Variants in PPFIA1 observed in about 807,000 individuals in gnomAD.
The protein encoded by PPFIA1 is liprin-alpha-1.
PPFIA1 carries 25 observed loss-of-function variants against 149.9 expected under a neutral mutation model. The observed-to-expected ratio is 0.17, with a 90% CI of 0.12 to 0.23. The LOEUF (loss-of-function observed/expected upper bound fraction) is 0.23. Among genes scored for constraint, PPFIA1 ranks in the 10% least tolerant of loss-of-function variants. PPFIA1 has a pLI of 1.00. For synonymous variants in PPFIA1, 549 were observed against 552.8 expected (o/e 0.99, Z 0.10); for missense variants, 1,362 against 1,506.5 (o/e 0.90, Z 1.59).
At position 70,380,549 on chromosome 11, in the gene PPFIA1, C is replaced by T. The variant is rs183423468; in HGVS notation, c.3551-1539C>T. Among the ~76,000 whole-genome samples, 24 of 152,148 alleles carry T rather than the reference C, an allele frequency of 1.6e-4. No individual in the cohort carries two copies. The East Asian group carries it at 3.9e-3, about 25-fold the overall frequency. ...CCAAGATCACACCACTGCACTCCAG[C>T]CTGGGCGACAGAGCAGGACTGTCTC... On this transcript the variant is annotated intron_variant, in intron 26 of 27. Transcript: ENST00000253925.
At position 70,339,204 on chromosome 11, in the gene PPFIA1, G is replaced by A; in HGVS notation, c.1605G>A (p.Arg535=). The change falls in exon 14 of 28, where the codon AGG becomes AGA. Residue 535 remains arginine, a synonymous_variant. Coordinates refer to ENST00000253925, the MANE Select transcript of PPFIA1 (RefSeq NM_003626.5). ...RPHLGSVPDF[R]FPMADGHTDS... ...ACTTGGGCAGTGTCCCAGATTTCAG[G>A]TTCCCCATGGCAGACGGCCACACAG... is the stretch of plus-strand genomic sequence containing the variant. 1 of 1,614,060 alleles carries A rather than the reference G, an allele frequency of 6.2e-7. No individual in the cohort carries two copies. The highest frequency in any genetic ancestry group is 8.5e-7 in the Non-Finnish European group (1 of 1,180,026).
chr11:70,370,854 C>A (rs899632206), intron 21 of PPFIA1, among the ~76,000 whole-genome samples: 3 of 152,002 alleles, frequency 2.0e-5, no homozygotes, highest in Non-Finnish European at 4.4e-5. Flanking sequence ...TCTGGTGGGG[C>A]AGCAGTGGCT....
At chr11:70,289,968 A>G (rs567848095) in intron 2 of PPFIA1, among the ~76,000 whole-genome samples, 4 of 152,212 alleles carry the variant, frequency 2.6e-5, no homozygotes, top group African/African-American at 9.6e-5. Flanking sequence ...AGTGGCTCAC[A>G]CTTGTAATCC....
intron 19 of PPFIA1, 56 bp from the exon 20 acceptor site, chr11:70,362,039 G>A (rs778106097): frequency 2.3e-5 from 35 of 1,531,040 alleles, no homozygotes; most frequent in Non-Finnish European, 3.0e-5. Context: ...GGGATTACAG[G>A]TGTGAGCTAC....
intron 15 of PPFIA1, chr11:70,346,007 C>G (rs2055678053): frequency 4.4e-6 from 2 of 450,716 alleles, no homozygotes; most frequent in Non-Finnish European, 8.9e-6. Flanking sequence ...GCTCAGATTG[C>G]AGGTTTGAAT....
At chr11:70,292,378 A>G (rs1185683241) in intron 2 of PPFIA1, among the ~76,000 whole-genome samples, 1 of 152,102 alleles carries the variant, frequency 6.6e-6, no homozygotes, top group East Asian at 1.9e-4. Context: ...CCCACATTGG[A>G]GCGCGGGCTG....
In PPFIA1 at chr11:70,330,229, C is replaced by A; in HGVS notation, c.987C>A (p.Tyr329Ter). The change falls in exon 8 of 28, where the codon TAC (tyrosine) becomes TAA (stop). Residue 329 changes from tyrosine to a stop codon, truncating the protein, a stop_gained. Coordinates refer to ENST00000253925, the MANE Select transcript of PPFIA1 (RefSeq NM_003626.5). LOFTEE classifies it high-confidence loss of function. ...EERITTLEKR[Y>*]LAAQREATSV... Reference sequence around the variant, plus strand: ...GAATCACTACTCTTGAAAAACGCTACCTCGCTGCACAGCGTGAAGCCACAT... The same window carrying A: ...GAATCACTACTCTTGAAAAACGCTAACTCGCTGCACAGCGTGAAGCCACAT... 1 of 1,602,048 alleles carries A rather than the reference C, an allele frequency of 6.2e-7. No individual in the cohort carries two copies. The highest frequency in any genetic ancestry group is 8.5e-7 in the Non-Finnish European group (1 of 1,175,370).
chr11:70,361,992 C>T, intron 19 of PPFIA1, 103 bp from the exon 20 acceptor site: 3 of 1,034,536 alleles, frequency 2.9e-6, no homozygotes, highest in Non-Finnish European at 4.5e-6. Flanking sequence ...AACTCCTGGG[C>T]TCAAGTGGTC....
At chr11:70,283,104 T>C (rs1486354142) in intron 2 of PPFIA1, among the ~76,000 whole-genome samples, 6 of 151,672 alleles carry the variant, frequency 4.0e-5, no homozygotes, top group Admixed American at 3.3e-4. Flanking sequence ...CCTCCCACAG[T>C]GCTGGGATTA....
intron 21 of PPFIA1, chr11:70,365,101 C>T (rs886752875): frequency 1.1e-5 from 2 of 178,552 alleles, no homozygotes; most frequent in African/African-American, 4.8e-5. Flanking sequence ...CAGAAGTACA[C>T]AACGTGTTTT....
At chr11:70,362,014 G>A (rs566817656) in intron 19 of PPFIA1, 81 bp from the exon 20 acceptor site, 23 of 1,316,408 alleles carry the variant, frequency 1.7e-5, no homozygotes, top group Middle Eastern at 4.9e-4. Context: ...TCCTGCCTTG[G>A]CCTCCCAGAG....
At chr11:70,360,650 G>T (rs768756571) in intron 19 of PPFIA1, among the ~76,000 whole-genome samples, 1 of 152,258 alleles carries the variant, frequency 6.6e-6, no homozygotes, top group Non-Finnish European at 1.5e-5. Flanking sequence ...CCACCACCTG[G>T]TGATTGGCGC....
At chr11:70,316,133 G>A (rs529546665) in intron 2 of PPFIA1, among the ~76,000 whole-genome samples, 210 of 151,972 alleles carry the variant, frequency 1.4e-3, no homozygotes, top group African/African-American at 4.0e-3. Flanking sequence ...GTGCAGTGGC[G>A]CAGTCTCGGC....
intron 2 of PPFIA1, among the ~76,000 whole-genome samples, chr11:70,281,084 A>G (rs1019764056): frequency 6.6e-6 from 1 of 152,084 alleles, no homozygotes; most frequent in Non-Finnish European, 1.5e-5. Flanking sequence ...TTTGCATCTG[A>G]TAACTCTATT....
chr11:70,346,563 A>C (rs1033207822), intron 15 of PPFIA1, among the ~76,000 whole-genome samples: 1 of 152,196 alleles, frequency 6.6e-6, no homozygotes, highest in Non-Finnish European at 1.5e-5. Context: ...CCTCTGCAGC[A>C]TCTGTTGCCA....
intron 2 of PPFIA1, among the ~76,000 whole-genome samples, chr11:70,313,995 ATGAGAGAT>A (rs1342323991): frequency 6.6e-6 from 1 of 152,166 alleles, no homozygotes; most frequent in Non-Finnish European, 1.5e-5. Context: ...TCCAGCCTGG[ATGAGAGAT>A]TGAGGTCGTG....
rs985948433 is a variant in PPFIA1, at chr11:70,301,724, A to G, written c.265-22678A>G. On this transcript the variant is annotated intron_variant, in intron 2 of 27. Transcript: ENST00000253925. ...AGCTTAATAGAACCACAGAGAGGAA[A>G]TTCTTAATAAAGGACCTTCGTTTAC... 3.3e-5 allele frequency among the ~76,000 whole-genome samples: 5 copies of G among 152,168 alleles called. No individual in the cohort carries two copies. The South Asian group carries it at 1.0e-3, about 32-fold the overall frequency.
At chr11:70,277,283 T>C (rs866111315) in intron 2 of PPFIA1, among the ~76,000 whole-genome samples, 9 of 151,714 alleles carry the variant, frequency 5.9e-5, no homozygotes, top group African/African-American at 1.9e-4. Context: ...CCCAAAACAA[T>C]GGGATCCAGG....
At chr11:70,371,861 G>T (rs1239315825) in intron 21 of PPFIA1, 4 of 165,306 alleles carry the variant, frequency 2.4e-5, no homozygotes, top group Admixed American at 6.1e-5. Flanking sequence ...GAGCAGTGTT[G>T]AATTGAGCCT....
Sources: allele counts gnomAD v4.1 joint callset (sites outside exome capture counted in the v4.1 genomes callset), GRCh38; gene constraint gnomAD v4.1.1; transcripts MANE v1.5; gene names NCBI Gene and HGNC (gene_info 2026-07-23, HGNC 2026-07-21).